The following ZNF267 variants were observed in gnomAD, a reference collection of about 807,000 sequenced individuals.
The protein encoded by ZNF267 is zinc finger (C2H2).
ZNF267 carries 61 observed loss-of-function variants against 71.6 expected under a neutral mutation model. The observed-to-expected ratio is 0.85, with a 90% CI of 0.69 to 1.05. The LOEUF (loss-of-function observed/expected upper bound fraction) is 1.05. ZNF267 is among the 50% of genes least tolerant of loss of function. ZNF267 has a pLI of 0.00. For missense variants in ZNF267, 852 were observed against 870.0 expected (o/e 0.98, Z 0.26); for synonymous variants, 288 against 293.2 (o/e 0.98, Z 0.18).
chr16:31,889,559 A>C (rs1379597008), intron 3 of ZNF267, among the ~76,000 whole-genome samples: 1 of 152,176 alleles, frequency 6.6e-6, no homozygotes. Context: ...GTATTAGTCT[A>C]TTCTATAAAG....
At chr16:31,894,309 C>G (rs1180318785) in intron 3 of ZNF267, among the ~76,000 whole-genome samples, 4 of 152,190 alleles carry the variant, frequency 2.6e-5, no homozygotes, top group Non-Finnish European at 5.9e-5. Flanking sequence ...TGGCTGTGCT[C>G]CCTTGACTGT....
In ZNF267 at chr16:31,906,399, C is replaced by G. The variant is rs567130731; in HGVS notation, c.227-8077C>G. Among the ~76,000 whole-genome samples, 66 of 152,288 alleles carry G rather than the reference C, an allele frequency of 4.3e-4. No individual in the cohort carries two copies. The South Asian group carries it at 0.013, about 30-fold the overall frequency. On this transcript the variant is annotated intron_variant, in intron 3 of 3. Transcript: ENST00000300870. ...GGTGGAGTCTACGGAGGCAGGCAGG[C>G]CTCCTTGAGCTGTGGTGGGCTCCAC...
At chr16:31,909,092 CTCTTCTA>C (rs1596629617) in intron 3 of ZNF267, among the ~76,000 whole-genome samples, 3 of 131,948 alleles carry the variant, frequency 2.3e-5, no homozygotes, top group East Asian at 4.3e-4. Context: ...TGTGTGTGTC[CTCTTCTA>C]TCTTCTATTT....
chr16:31,885,192 CT>C lies in ZNF267; in HGVS notation c.167del (p.Leu56TrpfsTer10). 3 of 1,611,212 alleles carry C rather than the reference CT, an allele frequency of 1.9e-6. No individual in the cohort carries two copies. Among genetic ancestry groups the C allele is most frequent in the Admixed American group, 1.7e-5 (1 of 59,942 alleles). ...LVVSKPDLIT[F>X]LEQRKEPWNV... ...TTGTCTCTAAGCCGGACCTGATCAC[CT>C]TTTTGGAACAAAGGAAAGAGCCTTG... On this transcript the variant is annotated frameshift_variant, in exon 3 of 4. Coordinates refer to ENST00000300870, the MANE Select transcript of ZNF267 (RefSeq NM_003414.6). LOFTEE classifies it high-confidence loss of function.
intron 3 of ZNF267, among the ~76,000 whole-genome samples, chr16:31,910,249 A>G (rs775001995): frequency 2.7e-5 from 4 of 148,694 alleles, no homozygotes; most frequent in Non-Finnish European, 5.9e-5. Flanking sequence ...TTTGGGTATT[A>G]TGGTAATACT....
At position 31,914,962 on chromosome 16, in the gene ZNF267, A is replaced by T. The variant is rs764416309; in HGVS notation, c.713A>T (p.Tyr238Phe). ...SSSPKNHQENYFLEKQYKCKE... is the reference protein window; with the variant it reads ...SSSPKNHQENFFLEKQYKCKE... ...AGCCCTAAAAATCATCAGGAAAATT[A>T]TTTTCTAGAAAAACAATACAAATGT... The change falls in exon 4 of 4, where the codon TAT becomes TTT. Residue 238 changes from tyrosine (Y) to phenylalanine (F), a missense_variant. Physicochemically the swap from Tyr to Phe is conservative, Grantham distance 22. Transcript: ENST00000300870. The T allele has an allele frequency of 6.2e-7, 1 of 1,609,516 alleles. No homozygotes were observed. The highest frequency in any genetic ancestry group is 8.5e-7 in the Non-Finnish European group (1 of 1,178,748).
chr16:31,891,069 T>C (rs894914675), intron 3 of ZNF267, among the ~76,000 whole-genome samples: 1 of 152,162 alleles, frequency 6.6e-6, no homozygotes, highest in East Asian at 1.9e-4. Context: ...TTTGTTGTTT[T>C]TATGTTTTGA....
chr16:31,916,753 C>A lies in ZNF267; in HGVS notation c.*272C>A. On this transcript the variant is annotated 3_prime_UTR_variant, in exon 4 of 4. Transcript: ENST00000300870. ...ATGTAAAAATGTGAAAAGTTTTATT[C>A]AAAATATCAAACTTATGAGTCACCT... 6.0e-6 allele frequency: 2 copies of A among 333,084 alleles called. No homozygotes were observed. The highest frequency in any genetic ancestry group is 1.1e-5 in the Non-Finnish European group (2 of 184,094). 20.6% of individuals were successfully genotyped at this position (333,084 alleles called of 1,614,324 possible). A position where few individuals can be genotyped will look rare whatever the true frequency, so the allele number is the denominator to read the frequency against.
At chr16:31,912,674 C>A (rs1419147943) in intron 3 of ZNF267, 1 of 151,666 alleles carries the variant, frequency 6.6e-6, no homozygotes, top group Non-Finnish European at 1.5e-5. Context: ...TTGCCCTTTT[C>A]AGGGTGTTTT....
In ZNF267 at chr16:31,915,108, A is replaced by G; in HGVS notation, c.859A>G (p.Thr287Ala). The G allele has an allele frequency of 1.2e-6, 2 of 1,613,682 alleles. No homozygotes were observed. Among genetic ancestry groups the G allele is most frequent in the Non-Finnish European group, 8.5e-7 (1 of 1,179,852 alleles). Residue 287 changes from threonine (T) to alanine (A), a missense_variant, in exon 4 of 4, where the codon ACC (threonine) becomes GCC (alanine). By Grantham distance (58) the Thr-to-Ala change is moderately conservative (BLOSUM62 0). Transcript: ENST00000300870. ...GTCATTAAAACATATTCAACATCAG[A>G]CCATCCATATCAGAGAAAACTCATA... ...TQSLKHIQHQ[T>A]IHIRENSYSY... is the part of the protein sequence containing the mutation.
intron 3 of ZNF267, among the ~76,000 whole-genome samples, chr16:31,896,109 T>G (rs1338543122): frequency 6.6e-6 from 1 of 152,272 alleles, no homozygotes; most frequent in East Asian, 1.9e-4. Context: ...TTTCCTGGGC[T>G]CAAGTGATGC....
At chr16:31,900,622 T>A (rs2084032459) in intron 3 of ZNF267, among the ~76,000 whole-genome samples, 1 of 151,944 alleles carries the variant, frequency 6.6e-6, no homozygotes, top group South Asian at 2.1e-4. Context: ...TTTTTTGTAT[T>A]TTTAGTAGAG....
At chr16:31,898,970 C>G (rs1420019592) in intron 3 of ZNF267, among the ~76,000 whole-genome samples, 4 of 152,124 alleles carry the variant, frequency 2.6e-5, no homozygotes, top group Admixed American at 6.5e-5. Context: ...GGGATCAATT[C>G]CGCAAGAAGA....
chr16:31,906,392 A>T (rs1451698841), intron 3 of ZNF267, among the ~76,000 whole-genome samples: 1 of 152,200 alleles, frequency 6.6e-6, no homozygotes, highest in African/African-American at 2.4e-5. Flanking sequence ...CTACGGAGGC[A>T]GGCAGGCCTC....
chr16:31,889,364 A>T (rs1307687248), intron 3 of ZNF267, among the ~76,000 whole-genome samples: 1 of 151,860 alleles, frequency 6.6e-6, no homozygotes, highest in African/African-American at 2.4e-5. Flanking sequence ...TAGATTGCTT[A>T]TTTGAGATCT....
intron 3 of ZNF267, among the ~76,000 whole-genome samples, chr16:31,891,569 TG>T (rs1438543214): frequency 1.3e-5 from 2 of 152,196 alleles, no homozygotes; most frequent in African/African-American, 4.8e-5. Flanking sequence ...AATTGAATGA[TG>T]GGGCGGGTCT....
chr16:31,895,969 A>T (rs2083995263), intron 3 of ZNF267, among the ~76,000 whole-genome samples: 1 of 152,144 alleles, frequency 6.6e-6, no homozygotes, highest in Non-Finnish European at 1.5e-5. Context: ...TCTTTTTAGT[A>T]GGATATAATT....
intron 3 of ZNF267, among the ~76,000 whole-genome samples, chr16:31,900,584 A>G (rs1356070815): frequency 6.6e-6 from 1 of 151,966 alleles, no homozygotes; most frequent in East Asian, 1.9e-4. Context: ...AGCTGGGACT[A>G]CAGGTGCCTG....
intron 3 of ZNF267, among the ~76,000 whole-genome samples, chr16:31,896,137 G>GCT (rs2083996587): frequency 2.0e-5 from 3 of 151,920 alleles, no homozygotes; most frequent in Admixed American, 1.3e-4. Context: ...TCATCCACTT[G>GCT]AGTAGGCTCA....
Sources: allele counts gnomAD v4.1 joint callset (sites outside exome capture counted in the v4.1 genomes callset), GRCh38; gene constraint gnomAD v4.1.1; transcripts MANE v1.5; gene names NCBI Gene and HGNC (gene_info 2026-07-23, HGNC 2026-07-21).